The following MAGI2 variants were observed in gnomAD, a reference collection of about 807,000 sequenced individuals.
MAGI2 encodes membrane-associated guanylate kinase, WW and PDZ domain-containing protein 2.
In MAGI2, 35 loss-of-function variants were observed where a neutral mutation model predicts 133.3. The observed-to-expected ratio is 0.26, with a 90% confidence interval of 0.20 to 0.35. The LOEUF (loss-of-function observed/expected upper bound fraction) is 0.35, where lower values mean the gene tolerates loss of function less well. Among genes scored for constraint, MAGI2 ranks in the 10% least tolerant of loss-of-function variants. The pLI, the probability that MAGI2 is intolerant of heterozygous loss-of-function variation, is 1.00. For synonymous variants in MAGI2, 729 were observed against 710.6 expected, an observed-to-expected ratio of 1.03 and a Z score of -0.41; for missense variants, 1,636 against 1,863.4, an observed-to-expected ratio of 0.88 and a Z score of 2.25.
chr7:79,410,647 A>G (rs1299646602), intron 1 of MAGI2: 1 of 152,116 alleles, frequency 6.6e-6, no homozygotes, highest in African/African-American at 2.4e-5. Flanking sequence ...TATAAAAGCA[A>G]AAAAAAGATA....
At chr7:78,176,950 C>CACACACAT (rs988630917) in intron 14 of MAGI2, among the ~76,000 whole-genome samples, 15 of 147,244 alleles carry the variant, frequency 1.0e-4, no homozygotes, top group African/African-American at 2.5e-4. Flanking sequence ...CACACACACA[C>CACACACAT]ATATATAGTA....
intron 14 of MAGI2, among the ~76,000 whole-genome samples, chr7:78,169,346 A>G (rs958890748): frequency 6.6e-6 from 1 of 152,220 alleles, no homozygotes; most frequent in Non-Finnish European, 1.5e-5. Context: ...TGATGATACT[A>G]CAGAGGCTAT....
At chr7:78,529,217 G>A (rs1168729740) in intron 3 of MAGI2, among the ~76,000 whole-genome samples, 1 of 152,166 alleles carries the variant, frequency 6.6e-6, no homozygotes, top group Non-Finnish European at 1.5e-5. Flanking sequence ...CACTCTGACT[G>A]AATATTCATT....
intron 10 of MAGI2, among the ~76,000 whole-genome samples, chr7:78,232,836 C>T (rs138010819): frequency 8.5e-5 from 13 of 152,252 alleles, no homozygotes; most frequent in African/African-American, 3.1e-4. Context: ...GGAAGAAATA[C>T]TTTGCAATGA....
chr7:79,291,155 AAATT>A (rs1253954554), intron 1 of MAGI2, among the ~76,000 whole-genome samples: 2 of 152,120 alleles, frequency 1.3e-5, no homozygotes, highest in Non-Finnish European at 2.9e-5. Context: ...CATTTCATAT[AAATT>A]GAATCAACAA....
At chr7:78,188,783 T>A (rs1394784436) in intron 12 of MAGI2, among the ~76,000 whole-genome samples, 2 of 152,144 alleles carry the variant, frequency 1.3e-5, no homozygotes, top group Non-Finnish European at 2.9e-5. Flanking sequence ...ATGGCATCCA[T>A]GAATTTATTT....
chr7:78,456,320 T>G (rs1272562959), intron 6 of MAGI2, among the ~76,000 whole-genome samples: 2 of 152,198 alleles, frequency 1.3e-5, no homozygotes, highest in Admixed American at 6.5e-5. Flanking sequence ...CTGGGACATA[T>G]TCTACCTTCC....
At chr7:79,214,407 C>CTCTA (rs1554406633) in intron 1 of MAGI2, among the ~76,000 whole-genome samples, 33 of 17,710 alleles carry the variant, frequency 1.9e-3, no homozygotes, top group South Asian at 3.7e-3. Flanking sequence ...CTCTCTCTCT[C>CTCTA]TATATATATA....
chr7:78,222,132 T>C (rs991347712), intron 10 of MAGI2, among the ~76,000 whole-genome samples: 1 of 152,060 alleles, frequency 6.6e-6, no homozygotes, highest in African/African-American at 2.4e-5. Flanking sequence ...CTGGGTTTAA[T>C]ATGTTGGGAA....
rs1554313141 is a variant in MAGI2, at chr7:78,962,509, G to GT, written c.418+44580dup. On this transcript the variant is annotated intron_variant, in intron 2 of 21. Coordinates refer to ENST00000354212, the MANE Select transcript of MAGI2 (RefSeq NM_012301.4). ...ATCAGGCCAATTCTGCAATGCTTAT[G>GT]TTTTTTTTTTTTTCTTCCCAGATAG... Among the ~76,000 whole-genome samples the GT allele has an allele frequency of 3.2e-3, 436 of 137,366 alleles. 4 individuals are homozygous for GT. Among genetic ancestry groups the GT allele is most frequent in the Middle Eastern group, 0.023 (6 of 256 alleles). The allele number at this position is 137,366 out of a possible 152,430, so 90.1% of individuals were successfully genotyped here. A position where few individuals can be genotyped will look rare whatever the true frequency, so the allele number is the denominator to read the frequency against.
chr7:78,247,286 G>A lies in MAGI2; in HGVS notation c.2047+8657C>T, dbSNP rs143543264. ...TAGCCTAGGCTGCTGAGACATCATCGCAAATGTTAATTGCAGCTGAAGAAT... is the reference window on the plus strand; with the variant it reads ...TAGCCTAGGCTGCTGAGACATCATCACAAATGTTAATTGCAGCTGAAGAAT... On this transcript the variant is annotated intron_variant, in intron 10 of 21. Transcript: ENST00000354212. 2.0e-4 allele frequency among the ~76,000 whole-genome samples: 31 copies of A among 151,920 alleles called. 1 individual carries two copies. In the East Asian group the frequency reaches 4.5e-3, roughly 22 times the overall value.
At chr7:79,426,637 A>G (rs536191737) in intron 1 of MAGI2, among the ~76,000 whole-genome samples, 3 of 152,306 alleles carry the variant, frequency 2.0e-5, no homozygotes, top group African/African-American at 7.2e-5. Context: ...TTGGGCATTT[A>G]TATCCTATCT....
At chr7:78,141,486 G>A (rs1822745887) in intron 16 of MAGI2, among the ~76,000 whole-genome samples, 1 of 152,082 alleles carries the variant, frequency 6.6e-6, no homozygotes, top group African/African-American at 2.4e-5. Flanking sequence ...TCATGGGGTG[G>A]AGATGTGGGA....
At chr7:78,503,369 T>C (rs1310133720) in intron 4 of MAGI2, among the ~76,000 whole-genome samples, 1 of 152,062 alleles carries the variant, frequency 6.6e-6, no homozygotes, top group African/African-American at 2.4e-5. Context: ...TGATATGGTT[T>C]GGCTGTGTCC....
At chr7:78,799,877 A>G (rs1347092791) in intron 2 of MAGI2, among the ~76,000 whole-genome samples, 1 of 152,144 alleles carries the variant, frequency 6.6e-6, no homozygotes, top group Non-Finnish European at 1.5e-5. Flanking sequence ...AAGTATTACC[A>G]TCTTTGTGGA....
At chr7:78,626,964 G>A (rs1018225281) in intron 3 of MAGI2, among the ~76,000 whole-genome samples, 156 bp downstream of exon 3, 3 of 151,686 alleles carry the variant, frequency 2.0e-5, no homozygotes, top group Non-Finnish European at 4.4e-5. Flanking sequence ...TAATTGAGAT[G>A]TATTTTAACT....
At chr7:78,436,581 A>G (rs944763457) in intron 6 of MAGI2, among the ~76,000 whole-genome samples, 2 of 152,190 alleles carry the variant, frequency 1.3e-5, no homozygotes, top group Non-Finnish European at 2.9e-5. Flanking sequence ...ACAAAAACCT[A>G]GAAAAGTTTC....
intron 1 of MAGI2, among the ~76,000 whole-genome samples, chr7:79,157,280 T>G (rs1224708223): frequency 6.6e-6 from 1 of 151,986 alleles, no homozygotes; most frequent in Admixed American, 6.6e-5. Flanking sequence ...TATGGCAGTG[T>G]CTGGGGGATT....
intron 1 of MAGI2, among the ~76,000 whole-genome samples, chr7:79,016,945 G>A (rs1044887515): frequency 6.6e-6 from 1 of 152,226 alleles, no homozygotes; most frequent in Admixed American, 6.5e-5. Flanking sequence ...TAACATTTTT[G>A]CCCATGCAAA....
Sources: gnomAD v4.1 joint callset for allele counts (sites outside exome capture counted in the v4.1 genomes callset) on GRCh38, gnomAD v4.1.1 for gene constraint, MANE v1.5 for transcripts, NCBI Gene and HGNC (gene_info 2026-07-23, HGNC 2026-07-21) for gene names.